The following TTLL8 variants were observed in gnomAD, a reference collection of about 807,000 sequenced individuals.
TTLL8 encodes tubulin tyrosine ligase like 8.
In TTLL8, 65 loss-of-function variants were observed where a neutral mutation model predicts 77.8. The ratio of observed to expected loss-of-function variants is 0.84; its 90% confidence interval spans 0.68 to 1.03. The LOEUF (loss-of-function observed/expected upper bound fraction) is 1.03, where lower values mean the gene tolerates loss of function less well. Among genes scored for constraint, TTLL8 ranks in the 50% least tolerant of loss-of-function variants. TTLL8 has a pLI of 0.00. For synonymous variants in TTLL8, 402 were observed against 422.8 expected (o/e 0.95, Z 0.60); for missense variants, 910 against 1,004.5 (o/e 0.91, Z 1.27).
intron 10 of TTLL8, 63 bp from the exon 12 acceptor site, chr22:50,032,172 G>A (rs1268860090): frequency 7.7e-7 from 1 of 1,295,670 alleles, no homozygotes; most frequent in South Asian, 1.3e-5. Context: ...CCCAAGGCCG[G>A]TCCTCCCAGC....
chr22:50,045,340 G>T, exon 6 of TTLL8: 2 of 1,365,954 alleles, frequency 1.5e-6, no homozygotes. Context: ...AGCTCTGGTG[G>T]CTGACCACCC....
intron 12 of TTLL8, among the ~76,000 whole-genome samples, chr22:50,024,197 C>T (rs62231923): frequency 0.13 from 19,558 of 152,088 alleles, 1,290 homozygotes; most frequent in Admixed American, 0.15. Flanking sequence ...AGTGCAATGG[C>T]GCGATCTTGG....
exon 12 of TTLL8, chr22:50,030,730 G>T: frequency 7.6e-7 from 1 of 1,320,032 alleles, no homozygotes. Context: ...AAGTCCCGCT[G>T]GAGAGCTGGT....
exon 6 of TTLL8, chr22:50,045,263 C>T: frequency 7.4e-7 from 1 of 1,355,664 alleles, no homozygotes; most frequent in Non-Finnish European, 9.8e-7. Flanking sequence ...ACCTTGCCTG[C>T]TGCTCAGGTC....
chr22:50,030,955 G>T, intron 11 of TTLL8, 30 bp from the exon 13 acceptor site: 1 of 1,306,362 alleles, frequency 7.7e-7, no homozygotes, highest in Admixed American at 2.2e-5. Context: ...TGGGGTGCTG[G>T]GCTGTGGCCG....
chr22:50,028,630 ATACCCTCGTAAAGACCCCAT>A (rs2061249428), intron 12 of TTLL8, among the ~76,000 whole-genome samples: 1 of 73,316 alleles, frequency 1.4e-5, no homozygotes, highest in Non-Finnish European at 3.1e-5. Context: ...AGACCCCCAC[ATACCCTCGTAAAGACCCCAT>A]CACACCATCC....
At chr22:50,030,328 G>A in intron 12 of TTLL8, 102 bp downstream of exon 13, 1 of 1,141,998 alleles carries the variant, frequency 8.8e-7, no homozygotes, top group Non-Finnish European at 1.1e-6. Flanking sequence ...ACCGAAGCCT[G>A]CCCTGCGCCC....
At chr22:50,056,957 C>A, upstream of TTLL8, 1 of 1,289,672 alleles carries the variant, frequency 7.8e-7, no homozygotes. The surrounding 1 kb of genome is among the most constrained non-coding windows in gnomAD (Gnocchi z 4.1). Context: ...ACAGCTTGCC[C>A]TTTGCTCCTC....
At chr22:50,035,442 G>A (rs1428040684) in intron 8 of TTLL8, among the ~76,000 whole-genome samples, 2 of 152,144 alleles carry the variant, frequency 1.3e-5, no homozygotes, top group South Asian at 4.1e-4. Flanking sequence ...CTGTGGCCGG[G>A]GGTGCCTGGG....
At chr22:50,057,408 G>A (rs866373466), upstream of TTLL8, among the ~76,000 whole-genome samples, 332 of 99,488 alleles carry the variant, frequency 3.3e-3, no homozygotes, top group African/African-American at 0.014. Context: ...GTCTGGGTTG[G>A]GCGGGAGGTC....
chr22:50,033,317 A>T, exon 10 of TTLL8: 1 of 1,365,252 alleles, frequency 7.3e-7, no homozygotes, highest in Non-Finnish European at 9.8e-7. Flanking sequence ...CTGATGTCGA[A>T]CTTGGTGTCA....
At chr22:50,046,259 G>A (rs1287384346) in intron 4 of TTLL8, among the ~76,000 whole-genome samples, 2 of 152,270 alleles carry the variant, frequency 1.3e-5, no homozygotes, top group African/African-American at 4.8e-5. Context: ...TGAGGGCACC[G>A]AGGGCGGTGG....
chr22:50,029,570 C>G (rs1248414460), intron 12 of TTLL8, among the ~76,000 whole-genome samples: 1 of 151,730 alleles, frequency 6.6e-6, no homozygotes, highest in African/African-American at 2.4e-5. Flanking sequence ...GAAACCCCAT[C>G]TCTACTAAAA....
chr22:50,045,972 T>C lies in TTLL8; in HGVS notation c.394-2A>G. The C allele has an allele frequency of 7.4e-7, 1 of 1,350,656 alleles. No individual in the cohort carries two copies. The highest frequency in any genetic ancestry group is 9.8e-7 in the Non-Finnish European group (1 of 1,016,302). The allele number at this position is 1,350,656 out of a possible 1,614,324, so 83.7% of individuals were successfully genotyped here. A position where few individuals can be genotyped will look rare whatever the true frequency, so the allele number is the denominator to read the frequency against. Reference sequence around the variant, plus strand: ...CCGCATGTTCACGCACAGCCCGATCTCCAGAGACAGTGGCGTGTTAGGCAG... The same window carrying C: ...CCGCATGTTCACGCACAGCCCGATCCCCAGAGACAGTGGCGTGTTAGGCAG... On this transcript the variant is annotated splice_acceptor_variant, in intron 4 of 13. Coordinates refer to ENST00000266182, the Ensembl canonical transcript of TTLL8. LOFTEE classifies it high-confidence loss of function.
upstream of TTLL8, among the ~76,000 whole-genome samples, chr22:50,057,622 T>TG (rs754728557): frequency 3.1e-5 from 1 of 32,364 alleles, no homozygotes; most frequent in Non-Finnish European, 4.5e-5. Context: ...AGGTCTGGGT[T>TG]GGGGGTCAGG....
At chr22:50,058,070 C>T (rs1033993301), upstream of TTLL8, among the ~76,000 whole-genome samples, 4 of 148,732 alleles carry the variant, frequency 2.7e-5, no homozygotes, top group African/African-American at 4.9e-5. The surrounding 1 kb of genome is among the most constrained non-coding windows in gnomAD (Gnocchi z 4.2). Context: ...TCTGGGGTTC[C>T]GAAGGCAGAT....
At chr22:50,040,955 T>C (rs761133781) in intron 8 of TTLL8, among the ~76,000 whole-genome samples, 2 of 152,150 alleles carry the variant, frequency 1.3e-5, no homozygotes, top group Non-Finnish European at 2.9e-5. Context: ...AGGGTCAGCC[T>C]TTGGACCCCT....
chr22:50,039,919 T>TG (rs2061359013), intron 8 of TTLL8, among the ~76,000 whole-genome samples: 1 of 150,104 alleles, frequency 6.7e-6, no homozygotes, highest in African/African-American at 2.5e-5. Flanking sequence ...TGTATCAGTG[T>TG]GGACGGACCT....
chr22:50,049,687 G>C (rs1483216312), intron 2 of TTLL8, among the ~76,000 whole-genome samples: 1 of 152,142 alleles, frequency 6.6e-6, no homozygotes, highest in Non-Finnish European at 1.5e-5. Context: ...GAGGAGGAGG[G>C]GGACATTTGA....
Sources: allele counts gnomAD v4.1 joint callset (sites outside exome capture counted in the v4.1 genomes callset), GRCh38; gene constraint gnomAD v4.1.1; non-coding constraint Gnocchi (gnomAD v3.1); transcripts MANE v1.5; gene names NCBI Gene and HGNC (gene_info 2026-07-23, HGNC 2026-07-21).